Variants in EYS observed in about 807,000 individuals in gnomAD.
EYS encodes the protein EGF-like photoreceptor maintenance factor, also known as protein eyes shut homolog.
Under a neutral mutation model 282.1 loss-of-function variants are expected in EYS, and 250 were observed. The observed-to-expected ratio is 0.89, with a 90% CI of 0.80 to 0.98. The LOEUF (loss-of-function observed/expected upper bound fraction) is 0.98, where lower values mean the gene tolerates loss of function less well. EYS is among the 50% of genes least tolerant of loss of function. The pLI, the probability that EYS is intolerant of heterozygous loss-of-function variation, is 0.00. For missense variants in EYS, 4,016 were observed against 3,709.0 expected (o/e 1.08, Z -2.15); for synonymous variants, 1,355 against 1,282.9 (o/e 1.06, Z -1.20).
chr6:63,772,104 G>A (rs1182334286), intron 40 of EYS, among the ~76,000 whole-genome samples: 1 of 151,998 alleles, frequency 6.6e-6, no homozygotes, highest in Non-Finnish European at 1.5e-5. Context: ...CATTGATACT[G>A]AGTTATTGTT....
At position 65,440,761 on chromosome 6, in the gene EYS, CATT is replaced by C. The variant is rs376635283; in HGVS notation, c.863-35397_863-35395del. ...GAAATTTTTTTGATATGGCTAATAA[CATT>C]AATTTATATTAATGTCTGCTTCACC... On this transcript the variant is annotated intron_variant, in intron 5 of 42. Coordinates refer to ENST00000503581, the MANE Select transcript of EYS (RefSeq NM_001142800.2). Among the ~76,000 whole-genome samples, 125 of 150,074 alleles carry C rather than the reference CATT, an allele frequency of 8.3e-4. 2 individuals are homozygous for C. The highest frequency in any genetic ancestry group is 3.0e-3 in the African/African-American group (122 of 41,048).
intron 12 of EYS, among the ~76,000 whole-genome samples, chr6:65,274,939 T>C (rs1296881897): frequency 6.9e-6 from 1 of 145,266 alleles, no homozygotes; most frequent in Non-Finnish European, 1.5e-5. Context: ...AGAGAGACAA[T>C]ACCTAGTGGC....
intron 5 of EYS, among the ~76,000 whole-genome samples, chr6:65,407,090 G>T (rs554688968): frequency 5.9e-5 from 9 of 152,174 alleles, no homozygotes; most frequent in African/African-American, 2.2e-4. Context: ...TCCAATCGAT[G>T]AATATGCAAT....
At chr6:64,451,411 G>A (rs1168766421) in intron 26 of EYS, among the ~76,000 whole-genome samples, 1 of 152,144 alleles carries the variant, frequency 6.6e-6, no homozygotes, top group Non-Finnish European at 1.5e-5. Context: ...TGGATTCACA[G>A]CCGAATTCTA....
At chr6:63,757,721 GA>G (rs1251315302) in intron 41 of EYS, among the ~76,000 whole-genome samples, 1 of 152,102 alleles carries the variant, frequency 6.6e-6, no homozygotes, top group Non-Finnish European at 1.5e-5. Flanking sequence ...GACACTTAGG[GA>G]AAATAGAAAG....
chr6:64,716,134 A>G (rs1771382771), intron 22 of EYS, among the ~76,000 whole-genome samples: 1 of 152,206 alleles, frequency 6.6e-6, no homozygotes, highest in South Asian at 2.1e-4. Flanking sequence ...GGTTAAGTTC[A>G]GGTGACATTT....
chr6:64,993,869 A>T (rs1771160610), intron 14 of EYS, among the ~76,000 whole-genome samples: 1 of 151,182 alleles, frequency 6.6e-6, no homozygotes, highest in South Asian at 2.1e-4. Context: ...GGAAAAGTTA[A>T]ACCTGTAGTA....
chr6:64,052,401 G>C (rs972060919), intron 33 of EYS, among the ~76,000 whole-genome samples: 2 of 152,040 alleles, frequency 1.3e-5, no homozygotes, highest in African/African-American at 2.4e-5. Context: ...ACTTGCATCA[G>C]TCTTTTAATT....
At chr6:63,887,844 G>C (rs1262577263) in intron 35 of EYS, among the ~76,000 whole-genome samples, 1 of 152,172 alleles carries the variant, frequency 6.6e-6, no homozygotes, top group African/African-American at 2.4e-5. Flanking sequence ...TGAAGCCAGG[G>C]AGCCAAGTGG....
At chr6:64,202,003 C>A (rs1223107006) in intron 31 of EYS, among the ~76,000 whole-genome samples, 1 of 152,128 alleles carries the variant, frequency 6.6e-6, no homozygotes, top group Non-Finnish European at 1.5e-5. Flanking sequence ...CAAAACATGT[C>A]AACAGTGCCA....
intron 28 of EYS, among the ~76,000 whole-genome samples, chr6:64,391,250 A>T (rs7771805): frequency 6.8e-6 from 1 of 147,968 alleles, no homozygotes; most frequent in Admixed American, 6.7e-5. Flanking sequence ...GCAGGCCAAC[A>T]TTCAGATTCA....
chr6:64,435,171 A>G (rs1183443976), intron 28 of EYS, among the ~76,000 whole-genome samples: 1 of 152,054 alleles, frequency 6.6e-6, no homozygotes, highest in African/African-American at 2.4e-5. Flanking sequence ...AGCATTAAGA[A>G]AAAAAAGAAA....
At chr6:64,147,233 G>C (rs1450762157) in intron 31 of EYS, among the ~76,000 whole-genome samples, 1 of 152,058 alleles carries the variant, frequency 6.6e-6, no homozygotes, top group African/African-American at 2.4e-5. Context: ...AAAAGGAGAT[G>C]GTAGAAAAGG....
chr6:64,392,050 G>C (rs1226711151), intron 28 of EYS, among the ~76,000 whole-genome samples: 2 of 151,818 alleles, frequency 1.3e-5, no homozygotes, highest in Non-Finnish European at 2.9e-5. Flanking sequence ...TAATGGTAAA[G>C]GGATCAATTC....
At chr6:65,066,688 G>T (rs115042789) in intron 12 of EYS, among the ~76,000 whole-genome samples, 1,602 of 152,204 alleles carry the variant, frequency 0.011, 30 homozygotes, top group African/African-American at 0.037. Context: ...GAATTCATTA[G>T]GGAAGCTATC....
At chr6:64,442,853 A>T (rs1234526518) in intron 26 of EYS, among the ~76,000 whole-genome samples, 1 of 80,268 alleles carries the variant, frequency 1.2e-5, no homozygotes, top group Non-Finnish European at 2.9e-5. Context: ...GGAGTTTGCT[A>T]TAGGGGCAAT....
intron 26 of EYS, among the ~76,000 whole-genome samples, chr6:64,459,977 C>A (rs1424994086): frequency 6.6e-6 from 1 of 150,936 alleles, no homozygotes; most frequent in East Asian, 1.9e-4. Context: ...ACCCCAAAAA[C>A]TAGTGACTCG....
intron 33 of EYS, among the ~76,000 whole-genome samples, chr6:64,032,994 T>A (rs1397568907): frequency 6.6e-6 from 1 of 151,978 alleles, no homozygotes; most frequent in Admixed American, 6.6e-5. Context: ...ACTTCAAGAG[T>A]CTTAGAAGCT....
intron 2 of EYS, among the ~76,000 whole-genome samples, chr6:65,563,608 T>C (rs1769149268): frequency 6.6e-6 from 1 of 152,064 alleles, no homozygotes; most frequent in South Asian, 2.1e-4. Context: ...CACTTTCCAA[T>C]TGACAACCAT....
Sources: gnomAD v4.1 joint callset for allele counts (sites outside exome capture counted in the v4.1 genomes callset) on GRCh38, gnomAD v4.1.1 for gene constraint, MANE v1.5 for transcripts, NCBI Gene and HGNC (gene_info 2026-07-23, HGNC 2026-07-21) for gene names.